ACOXL: variants seen among roughly 807,000 people sequenced by gnomAD.
The protein encoded by ACOXL is acyl-coenzyme A oxidase-like protein.
ACOXL carries 70 observed loss-of-function variants against 71.9 expected under a neutral mutation model. The ratio of observed to expected loss-of-function variants is 0.97; its 90% CI spans 0.80 to 1.19. The LOEUF (loss-of-function observed/expected upper bound fraction) is 1.19. ACOXL is among the 50% of genes most tolerant of loss of function. ACOXL has a pLI of 0.00. For missense variants in ACOXL, 703 were observed against 736.3 expected, an observed-to-expected ratio of 0.95 and a Z score of 0.52; for synonymous variants, 253 against 281.6, an observed-to-expected ratio of 0.90 and a Z score of 1.02.
At chr2:110,903,223 A>T (rs1303149803) in intron 10 of ACOXL, among the ~76,000 whole-genome samples, 1 of 152,178 alleles carries the variant, frequency 6.6e-6, no homozygotes, top group Non-Finnish European at 1.5e-5. Flanking sequence ...CCAGAGGGAG[A>T]GGGGAGAAGG....
chr2:110,994,390 C>T (rs1286277484), intron 13 of ACOXL, among the ~76,000 whole-genome samples: 1 of 151,950 alleles, frequency 6.6e-6, no homozygotes, highest in Non-Finnish European at 1.5e-5. Context: ...AGCACTGCGT[C>T]AATTGCTTCT....
intron 8 of ACOXL, among the ~76,000 whole-genome samples, chr2:110,802,886 C>T (rs1005690652): frequency 1.1e-4 from 17 of 152,114 alleles, no homozygotes; most frequent in African/African-American, 3.9e-4. Flanking sequence ...TGAATGTCCT[C>T]ATTCCAAAAA....
intron 10 of ACOXL, among the ~76,000 whole-genome samples, chr2:110,901,136 C>A (rs1357966826): frequency 6.6e-6 from 1 of 152,208 alleles, no homozygotes; most frequent in Non-Finnish European, 1.5e-5. Context: ...GGATACTTGG[C>A]CACAACTTTA....
Position 110,807,240 on chromosome 2 carries a change from G to A in ACOXL, c.753+1845G>A, listed in dbSNP as rs1325667258. 2.0e-5 allele frequency among the ~76,000 whole-genome samples: 3 copies of A among 152,228 alleles called. No individual in the cohort carries two copies. The East Asian group carries it at 5.8e-4, about 29-fold the overall frequency. On this transcript the variant is annotated intron_variant, in intron 9 of 17. Transcript: ENST00000439055. ...ACTGGGGCCGTGAACAGGCCATAGC[G>A]CTCTCTAGGGCTCAGTTTCTTCATG...
intron 10 of ACOXL, among the ~76,000 whole-genome samples, chr2:110,874,218 G>T (rs1386051796): frequency 6.6e-6 from 1 of 152,218 alleles, no homozygotes; most frequent in Non-Finnish European, 1.5e-5. Context: ...TTTTGGGGGG[G>T]TGGTGAGGGG....
chr2:110,759,963 G>C (rs1260357524), intron 1 of ACOXL, among the ~76,000 whole-genome samples: 2 of 151,586 alleles, frequency 1.3e-5, no homozygotes, highest in African/African-American at 4.8e-5. Context: ...TATTACTTTT[G>C]CAAGTGGGAT....
intron 14 of ACOXL, among the ~76,000 whole-genome samples, chr2:111,030,692 A>C: frequency 6.6e-6 from 1 of 151,832 alleles, no homozygotes; most frequent in East Asian, 1.9e-4. Flanking sequence ...AAGCAGATAC[A>C]TTGAGTGTAA....
intron 14 of ACOXL, among the ~76,000 whole-genome samples, chr2:111,024,651 A>G (rs901326489): frequency 3.3e-5 from 5 of 152,104 alleles, no homozygotes; most frequent in Admixed American, 6.6e-5. Flanking sequence ...CAGCCTTTAA[A>G]ACTGTTCTCA....
At chr2:111,099,027 A>T (rs1455012359) in intron 17 of ACOXL, 1 of 152,254 alleles carries the variant, frequency 6.6e-6, no homozygotes, top group African/African-American at 2.4e-5. Flanking sequence ...ATTCTAGCTG[A>T]ACACAGAAAC....
In ACOXL at chr2:110,928,814, G is replaced by A. The variant is rs147018187; in HGVS notation, c.906-4675G>A. ...TTTCCTCCATACTGTTCTCATCATAGTGAATAAGTCTCATGAGATCTGACG... is the reference window on the plus strand; with the variant it reads ...TTTCCTCCATACTGTTCTCATCATAATGAATAAGTCTCATGAGATCTGACG... On this transcript the variant is annotated intron_variant, in intron 11 of 17. Coordinates refer to ENST00000439055, the MANE Select transcript of ACOXL (RefSeq NM_001142807.4). Among the ~76,000 whole-genome samples, 936 of 152,252 alleles carry A rather than the reference G, an allele frequency of 6.1e-3. 13 individuals carry two copies. Among genetic ancestry groups the A allele is most frequent in the African/African-American group, 0.022 (911 of 41,546 alleles).
chr2:111,061,892 C>T (rs764146347), intron 16 of ACOXL, among the ~76,000 whole-genome samples: 5 of 151,148 alleles, frequency 3.3e-5, no homozygotes, highest in Non-Finnish European at 5.9e-5. Flanking sequence ...AAAAAATGCC[C>T]AAGTCATGCA....
chr2:111,041,061 G>A (rs1004289209), intron 15 of ACOXL, among the ~76,000 whole-genome samples: 4 of 152,086 alleles, frequency 2.6e-5, no homozygotes, highest in Admixed American at 6.5e-5. Flanking sequence ...GGGCCTGGAG[G>A]GCCTCCAGGT....
chr2:110,734,632 T>G (rs1048413190), intron 1 of ACOXL, among the ~76,000 whole-genome samples: 1 of 152,130 alleles, frequency 6.6e-6, no homozygotes, highest in African/African-American at 2.4e-5. Flanking sequence ...CGCATCTGAT[T>G]AGACACACAT....
chr2:111,104,390 T>C (rs1418444408), intron 17 of ACOXL, among the ~76,000 whole-genome samples: 4 of 152,234 alleles, frequency 2.6e-5, no homozygotes, highest in African/African-American at 9.6e-5. Context: ...TAGGTGCATG[T>C]TGACATTTTT....
rs1488115093 is a variant in ACOXL at position 110,886,872 on chromosome 2, T to C, written c.789-21917T>C. 9 of 1,550,420 alleles carry C rather than the reference T, an allele frequency of 5.8e-6. No homozygotes were observed. The East Asian group carries it at 1.5e-4, about 25-fold the overall frequency. Reference sequence around the variant, plus strand: ...CCAGGCTAATTTCCTGAAAACTGGTTTTTGCTAACGTTTCTTACGCTTGCT... The same window carrying C: ...CCAGGCTAATTTCCTGAAAACTGGTCTTTGCTAACGTTTCTTACGCTTGCT... On this transcript the variant is annotated intron_variant, in intron 10 of 17. Coordinates refer to ENST00000439055, the MANE Select transcript of ACOXL (RefSeq NM_001142807.4).
intron 15 of ACOXL, among the ~76,000 whole-genome samples, chr2:111,035,151 C>A (rs1043702497): frequency 6.6e-6 from 1 of 152,120 alleles, no homozygotes; most frequent in African/African-American, 2.4e-5. Context: ...CAGGCGTGAG[C>A]CACCGTCCCC....
chr2:111,056,200 T>C (rs372632393), intron 16 of ACOXL, among the ~76,000 whole-genome samples: 1 of 145,746 alleles, frequency 6.9e-6, no homozygotes, highest in East Asian at 2.0e-4. Flanking sequence ...ACCCCAACTT[T>C]AAAAAAAAAA....
intron 12 of ACOXL, among the ~76,000 whole-genome samples, chr2:110,955,468 C>T (rs1288953663): frequency 2.0e-5 from 3 of 150,052 alleles, no homozygotes; most frequent in African/African-American, 4.9e-5. Flanking sequence ...CTCTCGCCAC[C>T]TATGGTCTGT....
intron 12 of ACOXL, among the ~76,000 whole-genome samples, chr2:110,953,015 G>A (rs1288736046): frequency 6.6e-6 from 1 of 152,016 alleles, no homozygotes; most frequent in Non-Finnish European, 1.5e-5. Context: ...CTAATGTCTG[G>A]TGTTTAAAAA....
Sources: allele counts gnomAD v4.1 joint callset (sites outside exome capture counted in the v4.1 genomes callset), GRCh38; gene constraint gnomAD v4.1.1; transcripts MANE v1.5; gene names NCBI Gene and HGNC (gene_info 2026-07-23, HGNC 2026-07-21).